The following SEC22A variants were observed in gnomAD, a reference collection of about 807,000 sequenced individuals.
SEC22A encodes SEC22 homolog A, vesicle trafficking protein.
A neutral mutation model predicts 35.3 loss-of-function variants in SEC22A; 22 were observed. The ratio of observed to expected loss-of-function variants is 0.62; its 90% confidence interval spans 0.45 to 0.89. SEC22A has a LOEUF of 0.89. Ranked by LOEUF, SEC22A falls within the 40% of genes least tolerant of loss-of-function variation. SEC22A has a pLI of 0.00. For missense variants in SEC22A, 354 were observed against 362.5 expected (o/e 0.98, Z 0.19); for synonymous variants, 119 against 129.5 (o/e 0.92, Z 0.55).
intron 6 of SEC22A, among the ~76,000 whole-genome samples, chr3:123,264,698 G>A (rs576948556): frequency 2.0e-5 from 3 of 150,182 alleles, no homozygotes; most frequent in African/African-American, 7.4e-5. Context: ...TCATGATCTC[G>A]GCTCACTGCA....
chr3:123,220,890 A>ATATATATATATATATATATATATG (rs1214047235), intron 2 of SEC22A, among the ~76,000 whole-genome samples: 7 of 144,454 alleles, frequency 4.8e-5, no homozygotes, highest in Non-Finnish European at 7.7e-5. Flanking sequence ...ACATATATAT[A>ATATATATATATATATATATATATG]TATATATGTC....
chr3:123,269,095 C>G (rs976418652), intron 6 of SEC22A, among the ~76,000 whole-genome samples: 2 of 151,522 alleles, frequency 1.3e-5, no homozygotes, highest in African/African-American at 4.9e-5. Flanking sequence ...GCAAAGATAT[C>G]TTTTTCTTCT....
intron 5 of SEC22A, among the ~76,000 whole-genome samples, chr3:123,258,568 A>G (rs1241155392): frequency 6.6e-6 from 1 of 152,164 alleles, no homozygotes; most frequent in Non-Finnish European, 1.5e-5. Flanking sequence ...CTATTTTAAG[A>G]TCTTCTCACT....
At chr3:123,241,603 C>T (rs1197184289) in intron 4 of SEC22A, among the ~76,000 whole-genome samples, 1 of 152,156 alleles carries the variant, frequency 6.6e-6, no homozygotes, top group African/African-American at 2.4e-5. Flanking sequence ...CTTCCTCCCT[C>T]CCTCCAACAC....
chr3:123,260,870 C>G (rs1424775219), intron 6 of SEC22A, among the ~76,000 whole-genome samples: 2 of 141,534 alleles, frequency 1.4e-5, no homozygotes, highest in African/African-American at 5.3e-5. Context: ...GAGTCTCGCT[C>G]TGTCGCCCAG....
intron 4 of SEC22A, among the ~76,000 whole-genome samples, chr3:123,232,861 T>C (rs961828452): frequency 2.0e-5 from 3 of 152,108 alleles, no homozygotes; most frequent in African/African-American, 7.2e-5. Flanking sequence ...GGCCAGGCGC[T>C]GTGGTTCATG....
chr3:123,220,241 A>C (rs1937095646), intron 2 of SEC22A, among the ~76,000 whole-genome samples: 1 of 151,424 alleles, frequency 6.6e-6, no homozygotes, highest in African/African-American at 2.4e-5. Context: ...GGTTCCAAAA[A>C]CTTCAGTCAT....
intron 2 of SEC22A, among the ~76,000 whole-genome samples, chr3:123,213,304 A>G (rs1472446008): frequency 6.6e-6 from 1 of 152,176 alleles, no homozygotes; most frequent in Non-Finnish European, 1.5e-5. Context: ...AAAATTGAGA[A>G]TTTGTGTGTG....
chr3:123,229,870 A>T (rs573452442), intron 4 of SEC22A, among the ~76,000 whole-genome samples: 3,265 of 151,192 alleles, frequency 0.022, 84 homozygotes, highest in African/African-American at 0.059. Flanking sequence ...TCAAAAAAAA[A>T]AAATAAATAA....
intron 5 of SEC22A, among the ~76,000 whole-genome samples, chr3:123,250,155 T>C (rs2108083340): frequency 6.6e-6 from 1 of 152,198 alleles, no homozygotes; most frequent in East Asian, 1.9e-4. Context: ...CTCGCACCTG[T>C]AATCCCAGTA....
At chr3:123,268,800 C>T (rs557335778) in intron 6 of SEC22A, among the ~76,000 whole-genome samples, 138 of 152,262 alleles carry the variant, frequency 9.1e-4, no homozygotes, top group African/African-American at 3.3e-3. Flanking sequence ...CAGGATTATG[C>T]ATTTCATTTG....
chr3:123,204,613 T>G (rs1240417880), intron 1 of SEC22A: 11 of 152,246 alleles, frequency 7.2e-5, no homozygotes. Flanking sequence ...TGCTAACCAC[T>G]ACTATAGTAG....
chr3:123,209,027 T>C (rs1370583615), intron 1 of SEC22A, 172 bp from the exon 2 acceptor site: 5 of 492,512 alleles, frequency 1.0e-5, no homozygotes, highest in Non-Finnish European at 1.5e-5. Flanking sequence ...ACTCCTGATC[T>C]TGTGATCCAC....
chr3:123,244,383 GGA>G (rs1937550020), intron 4 of SEC22A, among the ~76,000 whole-genome samples: 1 of 152,132 alleles, frequency 6.6e-6, no homozygotes. Context: ...TCTTGTTAAA[GGA>G]GACTTATGCT....
At chr3:123,246,670 T>A (rs927862510) in intron 5 of SEC22A, among the ~76,000 whole-genome samples, 1 of 152,204 alleles carries the variant, frequency 6.6e-6, no homozygotes, top group African/African-American at 2.4e-5. Context: ...TTTGTAAACT[T>A]TTTGAAATTT....
At position 123,273,769 on chromosome 3, in the gene SEC22A, A is replaced by G. The variant is rs1426521459; in HGVS notation, c.*2047A>G. On this transcript the variant is annotated 3_prime_UTR_variant, in exon 7 of 7. Coordinates refer to ENST00000492595, the MANE Select transcript of SEC22A (RefSeq NM_012430.5). ...GTTGGCAGTGAGCCAAGATCACGCC[A>G]CTGTACTCCAGCCTGGCCAACAGAG... 6.6e-6 allele frequency: 1 copy of G among 152,262 alleles called. No homozygotes were observed. The highest frequency in any genetic ancestry group is 2.4e-5 in the African/African-American group (1 of 41,430). 9.4% of individuals were successfully genotyped at this position (152,262 alleles called of 1,614,324 possible).
intron 2 of SEC22A, among the ~76,000 whole-genome samples, chr3:123,222,156 G>A (rs890108836): frequency 3.3e-5 from 5 of 150,902 alleles, no homozygotes; most frequent in Non-Finnish European, 7.4e-5. Context: ...TTTGGCACAG[G>A]ATTTGGACTA....
chr3:123,254,153 G>A (rs1416957069), intron 5 of SEC22A, among the ~76,000 whole-genome samples: 1 of 151,800 alleles, frequency 6.6e-6, no homozygotes, highest in African/African-American at 2.4e-5. Flanking sequence ...ACATTGTGTG[G>A]CTATTATATG....
At chr3:123,246,421 TCAGA>T (rs1937567506) in intron 5 of SEC22A, among the ~76,000 whole-genome samples, 1 of 152,164 alleles carries the variant, frequency 6.6e-6, no homozygotes, top group Non-Finnish European at 1.5e-5. Context: ...AAAGATCTGA[TCAGA>T]CAGAGAGCAG....
Sources: allele counts gnomAD v4.1 joint callset (sites outside exome capture counted in the v4.1 genomes callset), GRCh38; gene constraint gnomAD v4.1.1; transcripts MANE v1.5; gene names NCBI Gene and HGNC (gene_info 2026-07-23, HGNC 2026-07-21).